The following MYO1B variants were observed in gnomAD, a reference collection of about 807,000 sequenced individuals.
MYO1B encodes the protein unconventional myosin-Ib.
In MYO1B, 72 loss-of-function variants were observed where a neutral mutation model predicts 159.7. The ratio of observed to expected loss-of-function variants is 0.45; its 90% CI spans 0.37 to 0.55. MYO1B has a LOEUF of 0.55. Ranked by LOEUF, MYO1B falls within the 20% of genes least tolerant of loss-of-function variation. The probability of loss-of-function intolerance (pLI) is 0.00; values close to 1 mark genes in which losing one functional copy is unlikely to be tolerated. For synonymous variants in MYO1B, 468 were observed against 473.8 expected (o/e 0.99, Z 0.16); for missense variants, 1,062 against 1,364.8 (o/e 0.78, Z 3.50).
At chr2:191,397,479 G>C (rs186023973) in intron 21 of MYO1B, among the ~76,000 whole-genome samples, 271 of 152,214 alleles carry the variant, frequency 1.8e-3, no homozygotes, top group African/African-American at 6.1e-3. Context: ...AGTGGACACA[G>C]CACACGTTTC....
intron 3 of MYO1B, among the ~76,000 whole-genome samples, chr2:191,316,460 G>A (rs574002741): frequency 4.6e-5 from 7 of 152,256 alleles, no homozygotes; most frequent in African/African-American, 9.6e-5. Context: ...CAATCAGTAG[G>A]TATTTGAAGT....
At chr2:191,398,977 T>C (rs982854571) in intron 21 of MYO1B, among the ~76,000 whole-genome samples, 13 of 152,122 alleles carry the variant, frequency 8.5e-5, no homozygotes, top group African/African-American at 3.1e-4. Context: ...CTGGGCACCA[T>C]TGAGCACTGA....
intron 3 of MYO1B, among the ~76,000 whole-genome samples, chr2:191,319,434 G>A (rs1313753104): frequency 3.9e-5 from 6 of 152,088 alleles, no homozygotes; most frequent in Non-Finnish European, 7.3e-5. Context: ...CTGAATCATC[G>A]TCCTCTGATG....
At chr2:191,355,622 C>T (rs146281895) in intron 7 of MYO1B, among the ~76,000 whole-genome samples, 1 of 152,314 alleles carries the variant, frequency 6.6e-6, no homozygotes, top group African/African-American at 2.4e-5. Context: ...GTGTGCATTG[C>T]CCCATCTGTC....
chr2:191,380,744 T>C (rs150089015), intron 13 of MYO1B, among the ~76,000 whole-genome samples: 363 of 152,242 alleles, frequency 2.4e-3, no homozygotes, highest in Non-Finnish European at 4.1e-3. Context: ...GATTGTTTCT[T>C]GTCAGGGAGA....
intron 2 of MYO1B, among the ~76,000 whole-genome samples, chr2:191,289,209 T>A (rs188565429): frequency 8.5e-5 from 13 of 152,324 alleles, no homozygotes; most frequent in African/African-American, 2.9e-4. Flanking sequence ...TACACAAAGG[T>A]TGAAGATGCT....
intron 3 of MYO1B, among the ~76,000 whole-genome samples, chr2:191,303,728 G>A (rs1406256961): frequency 2.6e-5 from 4 of 152,046 alleles, no homozygotes; most frequent in Admixed American, 2.6e-4. Flanking sequence ...AATCTTAAAG[G>A]ATATTCTTAT....
chr2:191,259,094 A>G (rs1298058690), intron 1 of MYO1B, among the ~76,000 whole-genome samples: 1 of 152,212 alleles, frequency 6.6e-6, no homozygotes, highest in African/African-American at 2.4e-5. Context: ...CTGTCTTGGC[A>G]GCAGCTTGTG....
intron 5 of MYO1B, among the ~76,000 whole-genome samples, chr2:191,345,983 A>G (rs531083247): frequency 6.6e-6 from 1 of 152,332 alleles, no homozygotes; most frequent in South Asian, 2.1e-4. Flanking sequence ...GATTAAGTTT[A>G]CAGTAATACT....
chr2:191,370,217 CTT>C lies in MYO1B; in HGVS notation c.1120-6_1120-5del, dbSNP rs1030956012. ...CCTTAATTAACCCTTTAATTTGAAA[CTT>C]TTTAAAGGCACAAACAAAAGTGAGA... On this transcript the variant is annotated splice_region_variant and splice_polypyrimidine_tract_variant and intron_variant, in intron 12 of 30. Coordinates refer to ENST00000392318, the MANE Select transcript of MYO1B (RefSeq NM_001130158.3). The C allele has an allele frequency of 6.2e-7, 1 of 1,610,106 alleles. No homozygotes were observed. The highest frequency in any genetic ancestry group is 2.2e-5 in the East Asian group (1 of 44,758).
At chr2:191,274,635 T>C (rs1376800155) in intron 1 of MYO1B, among the ~76,000 whole-genome samples, 1 of 152,220 alleles carries the variant, frequency 6.6e-6, no homozygotes, top group African/African-American at 2.4e-5. Flanking sequence ...TGGCATTACA[T>C]GGAGCCTGAG....
In MYO1B at chr2:191,393,211, A is replaced by C. The variant is rs1480988061; in HGVS notation, c.2215A>C (p.Arg739=). ...KSQIVIAAWY[R]RYAQQKRYQQ... The stretch of plus-strand genomic sequence containing the variant: ...CCAAATTGTGATTGCCGCCTGGTAC[A>C]GGAGATATGCGGTAAGAGTCTCAGT... Residue 739 remains arginine, a synonymous_variant, in exon 20 of 31, where the codon AGG becomes CGG. Coordinates refer to ENST00000392318, the MANE Select transcript of MYO1B (RefSeq NM_001130158.3). 6.2e-7 allele frequency: 1 copy of C among 1,613,998 alleles called. No individual in the cohort carries two copies. Among genetic ancestry groups the C allele is most frequent in the Non-Finnish European group, 8.5e-7 (1 of 1,179,968 alleles).
intron 5 of MYO1B, among the ~76,000 whole-genome samples, chr2:191,345,762 A>T (rs1692527017): frequency 6.6e-6 from 1 of 152,198 alleles, no homozygotes; most frequent in Non-Finnish European, 1.5e-5. Context: ...ATATTTAAAT[A>T]GCTTTATTTT....
At chr2:191,374,751 T>C (rs1694593324) in intron 13 of MYO1B, among the ~76,000 whole-genome samples, 1 of 152,166 alleles carries the variant, frequency 6.6e-6, no homozygotes, top group Admixed American at 6.5e-5. Flanking sequence ...TAGCTGTACA[T>C]CCTGGTAGAA....
intron 1 of MYO1B, among the ~76,000 whole-genome samples, chr2:191,251,839 A>G (rs1339689451): frequency 3.3e-5 from 5 of 152,086 alleles, no homozygotes; most frequent in Non-Finnish European, 7.4e-5. Context: ...CAACCACAAC[A>G]AAAAGCTCCC....
chr2:191,392,182 T>A lies in MYO1B; in HGVS notation c.2057T>A (p.Phe686Tyr). The A allele has an allele frequency of 6.2e-7, 1 of 1,607,124 alleles. No individual in the cohort carries two copies. Among genetic ancestry groups the A allele is most frequent in the Non-Finnish European group, 8.5e-7 (1 of 1,174,876 alleles). ...TACTCCTTTGGTAGATCAAAGATAT[T>A]CATCCGAAACCCAAGAACAGTATGT... ...EEYSFGRSKI[F>Y]IRNPRTLFKL... is the part of the protein sequence containing the mutation. The change falls in exon 19 of 31, where the codon TTC becomes TAC. Residue 686 changes from phenylalanine to tyrosine, a missense_variant. Around this residue, in one of 5 missense-constraint regions of MYO1B, gnomAD observed 609 missense variants for 744.4 expected, o/e 0.82. Transcript: ENST00000392318.
chr2:191,385,824 A>G (rs1695369094), intron 15 of MYO1B, 60 bp from the exon 16 acceptor site: 1 of 1,534,124 alleles, frequency 6.5e-7, no homozygotes, highest in Admixed American at 1.8e-5. Context: ...GTAATTAGGA[A>G]TAATTATTAA....
chr2:191,405,478 A>G (rs1696862244), intron 24 of MYO1B, among the ~76,000 whole-genome samples: 2 of 152,156 alleles, frequency 1.3e-5, no homozygotes, highest in Non-Finnish European at 2.9e-5. Flanking sequence ...TTTTTAATTT[A>G]CTTTGCCCAG....
intron 23 of MYO1B, among the ~76,000 whole-genome samples, chr2:191,401,093 A>G (rs953173507): frequency 1.3e-5 from 2 of 152,030 alleles, no homozygotes; most frequent in Non-Finnish European, 2.9e-5. Flanking sequence ...ACAAAACAAA[A>G]CAACTCTTAA....
Sources: gnomAD v4.1 joint callset for allele counts (sites outside exome capture counted in the v4.1 genomes callset) on GRCh38, gnomAD v4.1.1 for gene constraint, gnomAD v4.1.1 regional missense constraint, MANE v1.5 for transcripts, NCBI Gene and HGNC (gene_info 2026-07-23, HGNC 2026-07-21) for gene names.